Variants in TOGARAM2 observed in about 807,000 individuals in gnomAD.
TOGARAM2 encodes the protein TOG array regulator of axonemal microtubules protein 2.
A neutral mutation model predicts 93.3 loss-of-function variants in TOGARAM2; 85 were observed. The ratio of observed to expected loss-of-function variants is 0.91; its 90% CI spans 0.76 to 1.09. The LOEUF is 1.09. Ranked by LOEUF, TOGARAM2 falls within the 50% of genes least tolerant of loss-of-function variation. TOGARAM2 has a pLI of 0.00. For missense variants in TOGARAM2, 1,277 were observed against 1,334.5 expected (o/e 0.96, Z 0.67); for synonymous variants, 593 against 552.8 (o/e 1.07, Z -1.02).
At chr2:29,002,795 C>T (rs1321501318) in intron 5 of TOGARAM2, 48 bp downstream of exon 5, 9 of 1,542,958 alleles carry the variant, frequency 5.8e-6, no homozygotes, top group Non-Finnish European at 8.0e-6. Flanking sequence ...TTCTTGCCCT[C>T]CCTTCCTCCT....
chr2:29,026,804 C>G (rs72788152), intron 13 of TOGARAM2, 49 bp from the exon 14 acceptor site: 108,112 of 1,477,786 alleles, frequency 0.073, 4,490 homozygotes, highest in East Asian at 0.2. Context: ...CCTGGGGACT[C>G]CCACACCACT....
At chr2:29,035,420 C>A in intron 16 of TOGARAM2, 44 bp from the exon 17 acceptor site, 2 of 1,291,908 alleles carry the variant, frequency 1.5e-6, no homozygotes, top group East Asian at 6.0e-5. Context: ...TTCATTCCCC[C>A]GGGCTCTTCC....
At chr2:29,030,110 C>T (rs969071210) in intron 14 of TOGARAM2, among the ~76,000 whole-genome samples, 7 of 151,968 alleles carry the variant, frequency 4.6e-5, no homozygotes, top group Non-Finnish European at 8.8e-5. Flanking sequence ...CCTGTCTCTA[C>T]AAAAAATACC....
At chr2:28,993,410 G>T (rs1481030324) in intron 1 of TOGARAM2, among the ~76,000 whole-genome samples, 1 of 152,206 alleles carries the variant, frequency 6.6e-6, no homozygotes, top group East Asian at 1.9e-4. Context: ...CTGGAAACCA[G>T]CTGCCTGGCC....
intron 10 of TOGARAM2, 190 bp downstream of exon 10, chr2:29,018,146 A>G: frequency 1.6e-6 from 1 of 642,516 alleles, no homozygotes; most frequent in Non-Finnish European, 2.6e-6. Context: ...CATTGTCTAC[A>G]GGCTGGGCTT....
intron 10 of TOGARAM2, among the ~76,000 whole-genome samples, chr2:29,020,917 G>GT (rs1385709530): frequency 6.6e-6 from 1 of 151,986 alleles, no homozygotes; most frequent in Non-Finnish European, 1.5e-5. Flanking sequence ...TTGTTTGTTT[G>GT]TTTTTTTAAT....
chr2:29,023,203 C>G lies in TOGARAM2; in HGVS notation c.1617+12C>G. 1 of 1,567,438 alleles carries G rather than the reference C, an allele frequency of 6.4e-7. No homozygotes were observed. Among genetic ancestry groups the G allele is most frequent in the Non-Finnish European group, 8.7e-7 (1 of 1,155,416 alleles). On this transcript the variant is annotated intron_variant, in intron 12 of 19. Coordinates refer to ENST00000379558, the MANE Select transcript of TOGARAM2 (RefSeq NM_199280.4). ...TGGTGACTGGGGAGGTGAGGCCCCC[C>G]AGCCTGTGTGCTGTGCATTTGGCCC...
At chr2:28,995,485 C>T (rs1672946787) in intron 2 of TOGARAM2, among the ~76,000 whole-genome samples, 1 of 152,230 alleles carries the variant, frequency 6.6e-6, no homozygotes, top group Admixed American at 6.5e-5. Flanking sequence ...AGCAGCGGTT[C>T]AGGAGACAGC....
chr2:28,999,128 G>T (rs72786175), intron 3 of TOGARAM2, 53 bp from the exon 4 acceptor site: 98,860 of 1,523,514 alleles, frequency 0.065, 3,654 homozygotes, highest in African/African-American at 0.14. Flanking sequence ...GCTGGTGCCT[G>T]GTGCCACCCT....
intron 2 of TOGARAM2, among the ~76,000 whole-genome samples, chr2:28,996,555 C>T (rs542738446): frequency 6.6e-5 from 10 of 152,194 alleles, no homozygotes; most frequent in South Asian, 4.1e-4. Flanking sequence ...GGAGTGGTGG[C>T]TCACATCTGT....
rs1363790120 is a variant in TOGARAM2 at position 29,017,241 on chromosome 2, C to T, written c.1132C>T (p.Pro378Ser). Reference protein sequence around the residue: ...EMELLRRLEEPRTGQELTSQC... With the variant: ...EMELLRRLEESRTGQELTSQC... ...GGAGCTGCTTCGGAGGCTGGAGGAG[C>T]CCAGGACAGGGCAGGAGCTCACTTC... The change falls in exon 9 of 20, where the codon CCC (proline) becomes TCC (serine). Residue 378 changes from proline (P) to serine (S), a missense_variant. Transcript: ENST00000379558. 5.0e-6 allele frequency: 8 copies of T among 1,613,928 alleles called. No homozygotes were observed. In the Admixed American group the frequency reaches 1.2e-4, roughly 24 times the overall value.
At chr2:29,049,696 C>A (rs1666959472) in intron 19 of TOGARAM2, 1 of 152,230 alleles carries the variant, frequency 6.6e-6, no homozygotes, top group African/African-American at 2.4e-5. Flanking sequence ...CAGTGTACCT[C>A]TTTGCTCCAC....
At position 28,998,196 on chromosome 2, in the gene TOGARAM2, G is replaced by A. The variant is rs1342489459; in HGVS notation, c.82G>A (p.Ala28Thr). Reference protein sequence around the residue: ...VYCGSIPRTSAGPRVLPPGSI... With the variant: ...VYCGSIPRTSTGPRVLPPGSI... The stretch of plus-strand genomic sequence containing the variant: ...CTGCGGGAGCATCCCTCGGACCAGT[G>A]CTGGGCCCCGGGTGCTCCCGCCTGG... The change falls in exon 3 of 20, where the codon GCT (alanine) becomes ACT (threonine). Residue 28 changes from alanine (A) to threonine (T), a missense_variant. Ala to Thr is a moderately conservative substitution (Grantham distance 58). Coordinates refer to ENST00000379558, the MANE Select transcript of TOGARAM2 (RefSeq NM_199280.4). The A allele has an allele frequency of 6.2e-7, 1 of 1,612,306 alleles. No individual in the cohort carries two copies. The highest frequency in any genetic ancestry group is 1.7e-5 in the Admixed American group (1 of 59,852).
At chr2:29,010,053 GTGTT>G (rs762770502) in intron 6 of TOGARAM2, among the ~76,000 whole-genome samples, 7 of 134,280 alleles carry the variant, frequency 5.2e-5, no homozygotes, top group East Asian at 2.2e-4. Context: ...GTGTGTGTGT[GTGTT>G]GGGGGGGCGC....
Position 29,004,758 on chromosome 2 carries a change from G to C in TOGARAM2, c.830+1076G>C, listed in dbSNP as rs111206622. ...TGCATGCATGTGTGTGTGTGTCTGA[G>C]TGTGTGTGTGCATGAGTGCAAGAGT... On this transcript the variant is annotated intron_variant, in intron 6 of 19. Transcript: ENST00000379558. Among the ~76,000 whole-genome samples the C allele has an allele frequency of 5.9e-3, 866 of 147,248 alleles. 12 individuals carry two copies. The highest frequency in any genetic ancestry group is 0.022 in the African/African-American group (826 of 37,834).
chr2:29,005,152 TTGTGTGTGAGTG>T (rs1673621212), intron 6 of TOGARAM2, among the ~76,000 whole-genome samples: 1 of 13,284 alleles, frequency 7.5e-5, no homozygotes, highest in Non-Finnish European at 5.4e-4. Flanking sequence ...TGAGTGCATG[TTGTGTGTGAGTG>T]CATGTGTAAG....
chr2:29,024,207 GA>G lies in TOGARAM2; in HGVS notation c.1688del (p.Lys563ArgfsTer34). 6.2e-7 allele frequency: 1 copy of G among 1,607,104 alleles called. No homozygotes were observed. Among genetic ancestry groups the G allele is most frequent in the Admixed American group, 1.7e-5 (1 of 59,132 alleles). On this transcript the variant is annotated frameshift_variant, in exon 13 of 20. Coordinates refer to ENST00000379558, the MANE Select transcript of TOGARAM2 (RefSeq NM_199280.4). LOFTEE classifies it high-confidence loss of function. ...CCTTGGGAGACCTCTTCCAGGCCTT[GA>G]AGAAGAATATGGACCAGGAGGCCGA... is the stretch of plus-strand genomic sequence containing the variant. ...STLGDLFQALKKNMDQEAEEI... is the reference protein window; with the variant it reads ...STLGDLFQALXKNMDQEAEEI...
chr2:29,018,496 G>A (rs1483316190), intron 10 of TOGARAM2: 1 of 151,250 alleles, frequency 6.6e-6, no homozygotes. Flanking sequence ...TTTGTATACT[G>A]GGCATTCATG....
intron 6 of TOGARAM2, among the ~76,000 whole-genome samples, chr2:29,009,587 A>G (rs1007657097): frequency 2.0e-5 from 3 of 151,276 alleles, no homozygotes; most frequent in Non-Finnish European, 4.4e-5. Flanking sequence ...TGGGCTGAAG[A>G]TGGGGGAGCT....
Sources: gnomAD v4.1 joint callset for allele counts (sites outside exome capture counted in the v4.1 genomes callset) on GRCh38, gnomAD v4.1.1 for gene constraint, MANE v1.5 for transcripts, NCBI Gene and HGNC (gene_info 2026-07-23, HGNC 2026-07-21) for gene names.